The following SIK3 variants were observed in gnomAD, a reference collection of about 807,000 sequenced individuals.
SIK3 encodes the protein serine/threonine-protein kinase SIK3.
SIK3 carries 28 observed loss-of-function variants against 144.2 expected under a neutral mutation model. The observed-to-expected ratio is 0.19, with a 90% CI of 0.14 to 0.27. SIK3 has a LOEUF of 0.27. Ranked by LOEUF, SIK3 falls within the 10% of genes least tolerant of loss-of-function variation. SIK3 has a pLI of 1.00. For synonymous variants in SIK3, 686 were observed against 676.3 expected (o/e 1.01, Z -0.22); for missense variants, 1,319 against 1,776.0 (o/e 0.74, Z 4.62).
chr11:117,039,438 A>G (rs1952649532), intron 1 of SIK3, among the ~76,000 whole-genome samples: 1 of 152,196 alleles, frequency 6.6e-6, no homozygotes, highest in Admixed American at 6.5e-5. Flanking sequence ...AACAAACCCT[A>G]CAATTAACTC....
intron 4 of SIK3, among the ~76,000 whole-genome samples, chr11:116,906,019 G>T (rs1319832766): frequency 6.6e-6 from 1 of 152,116 alleles, no homozygotes; most frequent in African/African-American, 2.4e-5. Flanking sequence ...GAATATAAAG[G>T]TACCAGTAAA....
intron 6 of SIK3, among the ~76,000 whole-genome samples, chr11:116,886,623 T>G (rs1239391835): frequency 6.6e-6 from 1 of 152,244 alleles, no homozygotes; most frequent in African/African-American, 2.4e-5. Flanking sequence ...GAGATCTCTA[T>G]GCCTTCACTA....
chr11:116,894,869 C>T (rs773213769), intron 6 of SIK3, among the ~76,000 whole-genome samples: 4 of 152,204 alleles, frequency 2.6e-5, no homozygotes, highest in Non-Finnish European at 5.9e-5. Flanking sequence ...TAAAAGTCTC[C>T]TCCTAACTGG....
chr11:117,059,469 C>T (rs188744680), intron 1 of SIK3, among the ~76,000 whole-genome samples: 1 of 152,252 alleles, frequency 6.6e-6, no homozygotes, highest in East Asian at 1.9e-4. Flanking sequence ...CTGACAAAAG[C>T]TCTTAGAGAG....
chr11:116,911,192 C>G (rs568719519), intron 4 of SIK3, among the ~76,000 whole-genome samples: 5 of 152,068 alleles, frequency 3.3e-5, no homozygotes, highest in African/African-American at 7.2e-5. Context: ...AATTATGGTA[C>G]ATCTACTTGA....
intron 4 of SIK3, among the ~76,000 whole-genome samples, chr11:116,924,450 T>G (rs1472576273): frequency 2.0e-5 from 3 of 152,118 alleles, no homozygotes; most frequent in Non-Finnish European, 2.9e-5. Context: ...CTTCTTTTTG[T>G]TTTGTTTTGT....
intron 3 of SIK3, among the ~76,000 whole-genome samples, chr11:116,933,933 T>C (rs965399284): frequency 2.0e-5 from 3 of 152,212 alleles, no homozygotes; most frequent in African/African-American, 7.2e-5. Flanking sequence ...ACAGCAGAAA[T>C]ACTCCTGCCA....
At chr11:117,072,192 A>T (rs1312559696) in intron 1 of SIK3, among the ~76,000 whole-genome samples, 1 of 152,056 alleles carries the variant, frequency 6.6e-6, no homozygotes, top group Non-Finnish European at 1.5e-5. Context: ...GTTCGAGACC[A>T]GCCTGGCCAA....
intron 1 of SIK3, among the ~76,000 whole-genome samples, chr11:117,078,014 G>A (rs1171286782): frequency 1.3e-5 from 2 of 152,166 alleles, no homozygotes; most frequent in Non-Finnish European, 2.9e-5. Context: ...GTAATCATGT[G>A]AAAATACATT....
chr11:117,000,301 A>T (rs779446796), intron 1 of SIK3, among the ~76,000 whole-genome samples: 1 of 152,242 alleles, frequency 6.6e-6, no homozygotes, highest in African/African-American at 2.4e-5. Context: ...AATACAGAAG[A>T]TGTGCACAGG....
intron 1 of SIK3, among the ~76,000 whole-genome samples, chr11:116,969,030 C>A (rs1223828908): frequency 6.6e-6 from 1 of 152,120 alleles, no homozygotes; most frequent in African/African-American, 2.4e-5. Context: ...GTGGCTCATG[C>A]CTGTAATCCC....
At chr11:116,932,466 T>C (rs1947668249) in intron 3 of SIK3, among the ~76,000 whole-genome samples, 1 of 151,712 alleles carries the variant, frequency 6.6e-6, no homozygotes, top group Non-Finnish European at 1.5e-5. Flanking sequence ...TGTAGATTTG[T>C]GGAACAACAA....
chr11:117,038,359 C>CTT lies in SIK3; in HGVS notation c.273+59782_273+59783dup, dbSNP rs372851873. Among the ~76,000 whole-genome samples, 657 of 142,198 alleles carry CTT rather than the reference C, an allele frequency of 4.6e-3. 12 individuals are homozygous for CTT. The highest frequency in any genetic ancestry group is 0.014 in the Middle Eastern group (4 of 276). The allele number at this position is 142,198 out of a possible 152,430, so 93.3% of individuals were successfully genotyped here. A position where few individuals can be genotyped will look rare whatever the true frequency, so the allele number is the denominator to read the frequency against. On this transcript the variant is annotated intron_variant, in intron 1 of 24. Coordinates refer to ENST00000445177, the MANE Select transcript of SIK3 (RefSeq NM_001366686.3). ...GCCTAGAATAAACTGCTACAAGATA[C>CTT]TTTTTTTTTTTTTTTGAGACAGAGT...
At chr11:116,880,302 C>CA (rs200871318) in intron 6 of SIK3, among the ~76,000 whole-genome samples, 12,878 of 136,760 alleles carry the variant, frequency 0.094, 1,652 homozygotes, top group African/African-American at 0.3. Flanking sequence ...GAAAATTCTC[C>CA]AAAAAAAAAA....
chr11:116,848,705 G>C (rs1942190319), intron 22 of SIK3, among the ~76,000 whole-genome samples: 1 of 152,196 alleles, frequency 6.6e-6, no homozygotes. Context: ...TGGTCTGTTA[G>C]GGTGACTCAA....
chr11:116,895,266 G>C (rs563423941), intron 6 of SIK3, among the ~76,000 whole-genome samples: 2 of 152,246 alleles, frequency 1.3e-5, no homozygotes, highest in African/African-American at 4.8e-5. Context: ...CAGCCAGGGG[G>C]TGCTCTTCCC....
chr11:117,023,609 C>CAAACAAAAA (rs1377928104), intron 1 of SIK3, among the ~76,000 whole-genome samples: 1 of 51,990 alleles, frequency 1.9e-5, no homozygotes, highest in African/African-American at 8.3e-5. Context: ...AACAAACAAA[C>CAAACAAAAA]AAAAAAAAAA....
intron 2 of SIK3, among the ~76,000 whole-genome samples, chr11:116,955,393 G>A (rs576051269): frequency 2.6e-5 from 4 of 152,068 alleles, no homozygotes; most frequent in South Asian, 4.1e-4. Flanking sequence ...GTGAGACTTC[G>A]TCTCAAAAAT....
chr11:116,873,336 TG>T, intron 13 of SIK3, 144 bp downstream of exon 13: 1 of 1,087,466 alleles, frequency 9.2e-7, no homozygotes, highest in South Asian at 1.5e-5. Flanking sequence ...TCTACTGGCC[TG>T]AAGAAAATGG....
Sources: allele counts gnomAD v4.1 joint callset (sites outside exome capture counted in the v4.1 genomes callset), GRCh38; gene constraint gnomAD v4.1.1; transcripts MANE v1.5; gene names NCBI Gene and HGNC (gene_info 2026-07-23, HGNC 2026-07-21).